ARFGEF1: variants seen among roughly 807,000 people sequenced by gnomAD.
ARFGEF1 encodes brefeldin A-inhibited guanine nucleotide-exchange protein 1.
A neutral mutation model predicts 231.0 loss-of-function variants in ARFGEF1; 42 were observed. The observed-to-expected ratio is 0.18, with a 90% confidence interval of 0.14 to 0.24. The LOEUF is 0.24. Ranked by LOEUF, ARFGEF1 falls within the 10% of genes least tolerant of loss-of-function variation. The pLI is 1.00. For synonymous variants in ARFGEF1, 710 were observed against 732.3 expected, an observed-to-expected ratio of 0.97 and a Z score of 0.49; for missense variants, 1,345 against 2,192.0, an observed-to-expected ratio of 0.61 and a Z score of 7.72.
intron 23 of ARFGEF1, among the ~76,000 whole-genome samples, chr8:67,229,374 G>A (rs1400598978): frequency 6.6e-6 from 1 of 151,948 alleles, no homozygotes; most frequent in Non-Finnish European, 1.5e-5. Flanking sequence ...CAATCTAAAT[G>A]TTCTGAGTAT....
chr8:67,251,781 G>A (rs972921180), intron 18 of ARFGEF1, among the ~76,000 whole-genome samples: 4 of 151,994 alleles, frequency 2.6e-5, no homozygotes, highest in African/African-American at 7.3e-5. Flanking sequence ...TGTACTAAAT[G>A]CCACTGAATT....
At chr8:67,243,773 G>A (rs1003956690) in intron 19 of ARFGEF1, among the ~76,000 whole-genome samples, 10 of 152,040 alleles carry the variant, frequency 6.6e-5, no homozygotes, top group South Asian at 2.1e-4. Context: ...CTAAATACCA[G>A]GGACCAATCC....
chr8:67,221,619 A>G (rs1024779277), intron 29 of ARFGEF1, among the ~76,000 whole-genome samples: 1 of 152,130 alleles, frequency 6.6e-6, no homozygotes, highest in Non-Finnish European at 1.5e-5. Flanking sequence ...ATAAAGCAAA[A>G]AAGTTACAGT....
chr8:67,251,498 A>C (rs767437751), intron 18 of ARFGEF1, 48 bp from the exon 19 acceptor site: 1 of 1,477,056 alleles, frequency 6.8e-7, no homozygotes, highest in South Asian at 1.4e-5. Flanking sequence ...ACATTTAAGA[A>C]TTCTATTTTG....
At chr8:67,301,084 T>A (rs1260615824) in intron 3 of ARFGEF1, 140 bp downstream of exon 3, 2 of 756,138 alleles carry the variant, frequency 2.6e-6, no homozygotes, top group Non-Finnish European at 4.0e-6. Flanking sequence ...CTGTCTTAAA[T>A]ATAAAAAATC....
chr8:67,329,573 TAAA>T (rs1293565893), intron 1 of ARFGEF1, among the ~76,000 whole-genome samples: 1 of 147,896 alleles, frequency 6.8e-6, no homozygotes, highest in African/African-American at 2.5e-5. Flanking sequence ...AATAAATAAA[TAAA>T]AAGAATTTTT....
intron 1 of ARFGEF1, among the ~76,000 whole-genome samples, chr8:67,305,757 G>C (rs1806713461): frequency 6.6e-6 from 1 of 152,122 alleles, no homozygotes; most frequent in Non-Finnish European, 1.5e-5. Flanking sequence ...ACAATTATCA[G>C]GATTACATTC....
intron 5 of ARFGEF1, among the ~76,000 whole-genome samples, chr8:67,185,896 C>T (rs1189123247): frequency 6.6e-6 from 1 of 152,050 alleles, no homozygotes; most frequent in African/African-American, 2.4e-5. Flanking sequence ...GACAAGAATC[C>T]TTCAAAAAAA....
chr8:67,214,135 G>GT, intron 33 of ARFGEF1, among the ~76,000 whole-genome samples: 1 of 152,360 alleles, frequency 6.6e-6, no homozygotes, highest in Middle Eastern at 3.4e-3. Flanking sequence ...CCACAAGGAA[G>GT]TGCAATGTGT....
downstream of ARFGEF1, chr8:67,173,568 T>C (rs1830899550): frequency 1.3e-5 from 2 of 152,120 alleles, no homozygotes; most frequent in Admixed American, 1.3e-4. Context: ...AGAAAGATAG[T>C]AAGAAGGAAA....
intron 5 of ARFGEF1, among the ~76,000 whole-genome samples, chr8:67,191,922 A>T (rs1836361585): frequency 6.6e-6 from 1 of 151,974 alleles, no homozygotes; most frequent in Non-Finnish European, 1.5e-5. Context: ...GTGTCTTTTG[A>T]TTTTAGCCAT....
chr8:67,331,364 T>C (rs1808089513), intron 1 of ARFGEF1, among the ~76,000 whole-genome samples: 2 of 152,088 alleles, frequency 1.3e-5, no homozygotes. Context: ...GACTAGGTCA[T>C]ACGGGTGGAG....
chr8:67,243,277 C>T (rs557008544), intron 19 of ARFGEF1, among the ~76,000 whole-genome samples: 5 of 152,312 alleles, frequency 3.3e-5, no homozygotes, highest in South Asian at 2.1e-4. Flanking sequence ...TAAAGACATA[C>T]CCAACACTGT....
chr8:67,272,304 C>A (rs2128896813), intron 9 of ARFGEF1, among the ~76,000 whole-genome samples: 1 of 152,092 alleles, frequency 6.6e-6, no homozygotes, highest in South Asian at 2.1e-4. Context: ...GTAGCTGGGA[C>A]TACAGGCACC....
intron 19 of ARFGEF1, among the ~76,000 whole-genome samples, chr8:67,240,491 T>C (rs1232587805): frequency 6.6e-6 from 1 of 152,192 alleles, no homozygotes; most frequent in South Asian, 2.1e-4. Context: ...ATACATTCAA[T>C]AGAGGACCTT....
intron 1 of ARFGEF1, among the ~76,000 whole-genome samples, chr8:67,341,388 A>G (rs1428476209): frequency 2.7e-5 from 4 of 149,506 alleles, no homozygotes; most frequent in African/African-American, 9.9e-5. Context: ...AGATTTGGAG[A>G]CCAGCCTGGG....
chr8:67,272,923 C>T (rs902953965), intron 9 of ARFGEF1, among the ~76,000 whole-genome samples: 6 of 152,008 alleles, frequency 3.9e-5, no homozygotes, highest in African/African-American at 1.4e-4. Context: ...GCCTGGCCAA[C>T]ATGGTGAAAC....
chr8:67,221,821 CT>C (rs1554636681), intron 29 of ARFGEF1, among the ~76,000 whole-genome samples: 15 of 144,422 alleles, frequency 1.0e-4, no homozygotes, highest in South Asian at 2.2e-4. Flanking sequence ...TTTTTTCTTT[CT>C]TTTTTTTTTG....
intron 14 of ARFGEF1, among the ~76,000 whole-genome samples, chr8:67,264,037 G>A (rs1254412328): frequency 6.6e-6 from 1 of 152,116 alleles, no homozygotes; most frequent in African/African-American, 2.4e-5. Flanking sequence ...AGACAGAAAA[G>A]TGGCAGGAAA....
Sources: gnomAD v4.1 joint callset for allele counts (sites outside exome capture counted in the v4.1 genomes callset) on GRCh38, gnomAD v4.1.1 for gene constraint, MANE v1.5 for transcripts, NCBI Gene and HGNC (gene_info 2026-07-23, HGNC 2026-07-21) for gene names.